The following OTUD7A variants were observed in gnomAD, a reference collection of about 807,000 sequenced individuals.
OTUD7A encodes the protein OTU domain-containing protein 7A.
A neutral mutation model predicts 65.7 loss-of-function variants in OTUD7A; 12 were observed. That is an observed-to-expected ratio of 0.18 (90% CI 0.12 to 0.30). The LOEUF (loss-of-function observed/expected upper bound fraction) is 0.30, where lower values mean the gene tolerates loss of function less well. OTUD7A is among the 10% of genes least tolerant of loss of function. The probability of loss-of-function intolerance (pLI) is 1.00; values close to 1 mark genes in which losing one functional copy is unlikely to be tolerated. For synonymous variants in OTUD7A, 641 were observed against 586.3 expected (o/e 1.09, Z -1.35); for missense variants, 1,148 against 1,304.8 (o/e 0.88, Z 1.85).
intron 1 of OTUD7A, among the ~76,000 whole-genome samples, chr15:31,800,891 T>A (rs556502969): frequency 6.6e-6 from 1 of 152,208 alleles, no homozygotes; most frequent in East Asian, 1.9e-4. Context: ...TGCTGTGGAT[T>A]TCCTGCAGCC....
chr15:31,730,536 T>C (rs1894010414), intron 1 of OTUD7A, among the ~76,000 whole-genome samples: 4 of 152,188 alleles, frequency 2.6e-5, no homozygotes, highest in Admixed American at 1.3e-4. Flanking sequence ...TCAAACTCAG[T>C]TCAGTCTCCA....
intron 1 of OTUD7A, among the ~76,000 whole-genome samples, chr15:31,657,797 C>T (rs940589125): frequency 1.8e-4 from 28 of 152,300 alleles, no homozygotes; most frequent in African/African-American, 6.5e-4. Flanking sequence ...CCCACTGCTC[C>T]GTGCCATCCT....
chr15:31,627,475 T>C (rs1890997198), intron 3 of OTUD7A, among the ~76,000 whole-genome samples: 1 of 152,156 alleles, frequency 6.6e-6, no homozygotes, highest in African/African-American at 2.4e-5. Flanking sequence ...CACATTTTCT[T>C]AATCCAGTCT....
intron 5 of OTUD7A, chr15:31,556,915 T>C (rs903823203): frequency 1.3e-5 from 2 of 149,634 alleles, no homozygotes; most frequent in Non-Finnish European, 3.0e-5. Flanking sequence ...CAGTGAGTGG[T>C]TTAGATTATT....
At chr15:31,826,518 G>C (rs569192225) in intron 1 of OTUD7A, among the ~76,000 whole-genome samples, 32 of 152,358 alleles carry the variant, frequency 2.1e-4, no homozygotes, top group Admixed American at 1.8e-3. Context: ...CCAGGCCTGT[G>C]ATAGGAGGGG....
At chr15:31,596,306 T>C (rs1889901834) in intron 3 of OTUD7A, among the ~76,000 whole-genome samples, 1 of 152,230 alleles carries the variant, frequency 6.6e-6, no homozygotes, top group Non-Finnish European at 1.5e-5. Flanking sequence ...TGTTGCAGCA[T>C]GCATCAGTAG....
chr15:31,827,297 G>C (rs1015760217), intron 1 of OTUD7A, among the ~76,000 whole-genome samples: 1 of 152,224 alleles, frequency 6.6e-6, no homozygotes, highest in African/African-American at 2.4e-5. Context: ...GTCTTACATG[G>C]ATGGCAGGAG....
At chr15:31,710,624 T>C (rs545944716) in intron 1 of OTUD7A, among the ~76,000 whole-genome samples, 2,083 of 152,286 alleles carry the variant, frequency 0.014, 11 homozygotes, top group African/African-American at 0.048. Context: ...TGTGTTCTTC[T>C]GCTGCCGGGT....
chr15:31,844,088 A>G (rs528480982), intron 1 of OTUD7A, among the ~76,000 whole-genome samples: 1 of 152,376 alleles, frequency 6.6e-6, no homozygotes, highest in East Asian at 1.9e-4. Context: ...TCAGGGGGAA[A>G]GAGTGAACTT....
At chr15:31,562,644 C>T (rs11856799) in intron 4 of OTUD7A, among the ~76,000 whole-genome samples, 34,911 of 151,720 alleles carry the variant, frequency 0.23, 4,201 homozygotes, top group African/African-American at 0.28. Flanking sequence ...TCTGTGTCTG[C>T]GTGTCTTATG....
chr15:31,571,695 A>G (rs1018013752), intron 3 of OTUD7A, among the ~76,000 whole-genome samples: 20 of 152,308 alleles, frequency 1.3e-4, no homozygotes, highest in East Asian at 5.8e-4. Context: ...ATTCTCATTA[A>G]TTATAGGTTT....
At chr15:31,646,079 G>A (rs574993302) in intron 3 of OTUD7A, among the ~76,000 whole-genome samples, 1 of 152,306 alleles carries the variant, frequency 6.6e-6, no homozygotes, top group East Asian at 1.9e-4. Flanking sequence ...CTTAAAAAGT[G>A]TTTAACGACA....
intron 1 of OTUD7A, among the ~76,000 whole-genome samples, chr15:31,811,327 C>T (rs535115718): frequency 6.6e-6 from 1 of 151,388 alleles, no homozygotes; most frequent in East Asian, 1.9e-4. Flanking sequence ...TGTGTATGTG[C>T]ATGGTATGTG....
chr15:31,559,829 T>C (rs1255021504), intron 4 of OTUD7A, among the ~76,000 whole-genome samples: 2 of 152,156 alleles, frequency 1.3e-5, no homozygotes, highest in Admixed American at 6.5e-5. Context: ...CACGTACACA[T>C]ACATGTGTGC....
intron 10 of OTUD7A, among the ~76,000 whole-genome samples, chr15:31,489,581 G>A (rs2041287810): frequency 6.6e-6 from 1 of 152,162 alleles, no homozygotes; most frequent in African/African-American, 2.4e-5. Context: ...TGGGTGATGT[G>A]CTCAGGCATG....
intron 8 of OTUD7A, among the ~76,000 whole-genome samples, chr15:31,506,133 G>A (rs1047695749): frequency 6.6e-6 from 1 of 151,842 alleles, no homozygotes; most frequent in African/African-American, 2.4e-5. Context: ...GGATAGTGCT[G>A]TTAATTTTTG....
chr15:31,569,685 T>C (rs1252748256), intron 4 of OTUD7A, among the ~76,000 whole-genome samples: 1 of 152,232 alleles, frequency 6.6e-6, no homozygotes, highest in African/African-American at 2.4e-5. Flanking sequence ...ACTTGGAGAC[T>C]GTGTTACTTT....
intron 1 of OTUD7A, among the ~76,000 whole-genome samples, chr15:31,741,527 G>A (rs1039152704): frequency 5.9e-5 from 9 of 152,054 alleles, no homozygotes; most frequent in African/African-American, 2.2e-4. Flanking sequence ...AGAGTTAAAT[G>A]TTAGAAACGT....
At chr15:31,825,039 T>C (rs1221998120) in intron 1 of OTUD7A, among the ~76,000 whole-genome samples, 1 of 152,230 alleles carries the variant, frequency 6.6e-6, no homozygotes, top group African/African-American at 2.4e-5. Flanking sequence ...AACCAGTATC[T>C]TTCAGAAAGT....
Sources: gnomAD v4.1 joint callset for allele counts (sites outside exome capture counted in the v4.1 genomes callset) on GRCh38, gnomAD v4.1.1 for gene constraint, MANE v1.5 for transcripts, NCBI Gene and HGNC (gene_info 2026-07-23, HGNC 2026-07-21) for gene names.